The following NAV1 variants were observed in gnomAD, a reference collection of about 807,000 sequenced individuals.
NAV1 encodes neuron navigator 1, also known as pore membrane and/or filament interacting like protein 3.
A neutral mutation model predicts 175.2 loss-of-function variants in NAV1; 18 were observed. That is an observed-to-expected ratio of 0.10 (90% CI 0.07 to 0.15). NAV1 has a LOEUF of 0.15. Among genes scored for constraint, NAV1 ranks in the 10% least tolerant of loss-of-function variants. NAV1 has a pLI of 1.00. For missense variants in NAV1, 1,731 were observed against 2,436.6 expected (o/e 0.71, Z 6.10); for synonymous variants, 897 against 978.7 (o/e 0.92, Z 1.56).
chr1:201,654,850 T>C (rs1446439854), intron 1 of NAV1, among the ~76,000 whole-genome samples: 1 of 152,128 alleles, frequency 6.6e-6, no homozygotes, highest in East Asian at 1.9e-4. Context: ...CTCACTACCT[T>C]ATTTTCCAGG....
intron 1 of NAV1, among the ~76,000 whole-genome samples, chr1:201,677,278 GGC>G (rs1670288624): frequency 6.7e-6 from 1 of 148,528 alleles, no homozygotes; most frequent in East Asian, 2.0e-4. Context: ...AAGAATTGCT[GGC>G]GGCTGGCATC....
intron 1 of NAV1, among the ~76,000 whole-genome samples, chr1:201,666,787 C>T (rs1378348811): frequency 5.9e-5 from 9 of 152,168 alleles, no homozygotes; most frequent in Admixed American, 5.9e-4. Flanking sequence ...CCTGCAATTT[C>T]AAGGGCCTGC....
chr1:201,648,594 C>G, exon 1 of NAV1: 1 of 1,273,382 alleles, frequency 7.9e-7, no homozygotes, highest in Non-Finnish European at 9.9e-7. Context: ...CCTCCTCCTC[C>G]TGCGCTCCCG....
At chr1:201,564,985 C>T (rs955605609) in intron 1 of NAV1, among the ~76,000 whole-genome samples, 3 of 152,144 alleles carry the variant, frequency 2.0e-5, no homozygotes, top group African/African-American at 7.2e-5. Flanking sequence ...TAGATGGACC[C>T]ATTTGCATAA....
intron 1 of NAV1, among the ~76,000 whole-genome samples, chr1:201,686,021 A>G (rs1670670710): frequency 1.3e-5 from 2 of 152,148 alleles, no homozygotes. Flanking sequence ...GCAGATCAAC[A>G]TGACAAGATG....
At chr1:201,635,583 C>G (rs921170844) in intron 2 of NAV1, among the ~76,000 whole-genome samples, 7 of 152,182 alleles carry the variant, frequency 4.6e-5, no homozygotes, top group African/African-American at 1.7e-4. Flanking sequence ...GCTTTGGCCT[C>G]ATGACATTCC....
intron 1 of NAV1, among the ~76,000 whole-genome samples, chr1:201,695,575 G>T (rs758115426): frequency 1.3e-5 from 2 of 152,206 alleles, no homozygotes; most frequent in African/African-American, 4.8e-5. Flanking sequence ...TCTCTCTAAG[G>T]CATGTTTGTT....
At chr1:201,762,356 T>G (rs1046251607) in intron 3 of NAV1, among the ~76,000 whole-genome samples, 1 of 152,198 alleles carries the variant, frequency 6.6e-6, no homozygotes, top group African/African-American at 2.4e-5. Context: ...TAGGGGTTCT[T>G]TTTTTGGTCT....
At chr1:201,726,386 G>A (rs1672607159) in intron 3 of NAV1, among the ~76,000 whole-genome samples, 2 of 152,352 alleles carry the variant, frequency 1.3e-5, no homozygotes, top group Admixed American at 1.3e-4. Flanking sequence ...GCTTATGCCT[G>A]TAATCCCAGC....
chr1:201,794,291 A>C (rs533136928), intron 14 of NAV1, 175 bp from the exon 19 acceptor site: 144 of 654,496 alleles, frequency 2.2e-4, no homozygotes, highest in Non-Finnish European at 4.5e-5. Flanking sequence ...AGCTGGGATT[A>C]CAGGTGCCCG....
intron 1 of NAV1, among the ~76,000 whole-genome samples, chr1:201,546,105 G>A (rs1011861546): frequency 1.3e-5 from 2 of 152,158 alleles, no homozygotes; most frequent in African/African-American, 4.8e-5. Context: ...ACGGTTAGGG[G>A]GCCCCAGCCA....
intron 2 of NAV1, among the ~76,000 whole-genome samples, chr1:201,599,273 G>A (rs1038161207): frequency 6.6e-6 from 1 of 152,230 alleles, no homozygotes; most frequent in Non-Finnish European, 1.5e-5. Context: ...TTTATGGCTA[G>A]AGGAGGACTT....
At chr1:201,780,028 G>T (rs650720) in intron 3 of NAV1, among the ~76,000 whole-genome samples, 49,564 of 152,004 alleles carry the variant, frequency 0.33, 9,095 homozygotes, top group Admixed American at 0.43. Context: ...AAAAGGAGGG[G>T]GAGAATAGAT....
chr1:201,663,713 G>A (rs1571870849), intron 1 of NAV1, among the ~76,000 whole-genome samples: 1 of 152,296 alleles, frequency 6.6e-6, no homozygotes, highest in East Asian at 1.9e-4. Context: ...TGGGCTTGGT[G>A]CTGATCCATT....
rs999252747 is a variant in NAV1 at position 201,648,748 on chromosome 1, C to G, written c.80C>G (p.Pro27Arg). ...GGCGGCGACGAGGGCGCGGACGAACCGCGGGGCGCCGGCAGGAAGGCGGCA... is the reference window on the plus strand; with the variant it reads ...GGCGGCGACGAGGGCGCGGACGAACGGCGGGGCGCCGGCAGGAAGGCGGCA... The change falls in exon 1 of 30, where the codon CCG becomes CGG. Residue 27 changes from proline to arginine, a missense_variant. By Grantham distance (103) the Pro-to-Arg change is moderately radical (BLOSUM62 -2). Transcript: ENST00000367296. The G allele has an allele frequency of 2.1e-6, 3 of 1,404,266 alleles. No individual in the cohort carries two copies. In the African/African-American group the frequency reaches 4.5e-5, roughly 21 times the overall value. The allele number at this position is 1,404,266 out of a possible 1,614,324, so 87.0% of individuals were successfully genotyped here.
chr1:201,691,159 A>G (rs1165513713), intron 1 of NAV1, among the ~76,000 whole-genome samples: 1 of 152,224 alleles, frequency 6.6e-6, no homozygotes, highest in Non-Finnish European at 1.5e-5. Context: ...TAAGATGTTC[A>G]GCAGCATCCC....
chr1:201,723,211 T>C (rs896494586), intron 3 of NAV1: 1 of 152,260 alleles, frequency 6.6e-6, no homozygotes, highest in Non-Finnish European at 1.5e-5. Flanking sequence ...TATGTACTTA[T>C]TAGCTATTTG....
chr1:201,597,423 G>A (rs935494127), intron 2 of NAV1, among the ~76,000 whole-genome samples: 8 of 152,238 alleles, frequency 5.3e-5, no homozygotes, highest in African/African-American at 1.4e-4. Flanking sequence ...AGACAGCTAA[G>A]CTGTCTTCCT....
At chr1:201,588,518 A>ATTTT (rs58689392) in intron 1 of NAV1, among the ~76,000 whole-genome samples, 21 bp from the exon 2 acceptor site, 1 of 139,574 alleles carries the variant, frequency 7.2e-6, no homozygotes, top group African/African-American at 2.7e-5. Context: ...CAGCTGATTA[A>ATTTT]TTTTTTTTTT....
Sources: allele counts gnomAD v4.1 joint callset (sites outside exome capture counted in the v4.1 genomes callset), GRCh38; gene constraint gnomAD v4.1.1; transcripts MANE v1.5; gene names NCBI Gene and HGNC (gene_info 2026-07-23, HGNC 2026-07-21).